The following GALNT13 variants were observed in gnomAD, a reference collection of about 807,000 sequenced individuals.
GALNT13 encodes the protein polypeptide N-acetylgalactosaminyltransferase 13.
GALNT13 carries 28 observed loss-of-function variants against 64.2 expected under a neutral mutation model. The observed-to-expected ratio is 0.44, with a 90% CI of 0.32 to 0.60. The LOEUF (loss-of-function observed/expected upper bound fraction) is 0.60. Among genes scored for constraint, GALNT13 ranks in the 20% least tolerant of loss-of-function variants. The pLI is 0.05. For missense variants in GALNT13, 577 were observed against 669.8 expected, an observed-to-expected ratio of 0.86 and a Z score of 1.53; for synonymous variants, 214 against 224.6, an observed-to-expected ratio of 0.95 and a Z score of 0.42.
At chr2:153,789,381 T>A in the GALNT13 span, among the ~76,000 whole-genome samples, 1 of 152,184 alleles carries the variant, frequency 6.6e-6, no homozygotes, top group Non-Finnish European at 1.5e-5. Flanking sequence ...AATCAAGAAG[T>A]TCTTTGAAGC....
At chr2:153,689,610 G>A in the GALNT13 span, among the ~76,000 whole-genome samples, 2 of 151,938 alleles carry the variant, frequency 1.3e-5, no homozygotes, top group South Asian at 2.1e-4. Context: ...TTTGTTTGTG[G>A]TGTCAGGTAG....
chr2:153,115,169 A>G, the GALNT13 span, among the ~76,000 whole-genome samples: 2 of 152,108 alleles, frequency 1.3e-5, no homozygotes, highest in African/African-American at 4.8e-5. Flanking sequence ...CCCTATAAAA[A>G]GTGAAGTGGT....
At chr2:153,276,489 C>A in the GALNT13 span, among the ~76,000 whole-genome samples, 1 of 151,844 alleles carries the variant, frequency 6.6e-6, no homozygotes, top group East Asian at 1.9e-4. Flanking sequence ...CCAATATTTC[C>A]ATAAACTATA....
the GALNT13 span, among the ~76,000 whole-genome samples, chr2:153,655,542 A>T: frequency 6.6e-6 from 1 of 152,134 alleles, no homozygotes; most frequent in Admixed American, 6.6e-5. Flanking sequence ...AGAATCGTGG[A>T]TAGCTATGGG....
the GALNT13 span, among the ~76,000 whole-genome samples, chr2:153,128,955 C>T: frequency 6.6e-6 from 1 of 152,126 alleles, no homozygotes; most frequent in Admixed American, 6.5e-5. Flanking sequence ...AATTGCCTGC[C>T]ACCAGGTCCC....
the GALNT13 span, among the ~76,000 whole-genome samples, chr2:153,853,095 T>C: frequency 1.2e-3 from 178 of 152,196 alleles, no homozygotes; most frequent in Non-Finnish European, 2.0e-3. Context: ...GTTCAAAAGC[T>C]GAAGAATTTA....
chr2:153,729,012 A>T, the GALNT13 span, among the ~76,000 whole-genome samples: 17 of 152,182 alleles, frequency 1.1e-4, no homozygotes, highest in Non-Finnish European at 2.1e-4. Flanking sequence ...TATCAACCAA[A>T]AAAAGCCCAG....
At chr2:153,294,699 T>C in the GALNT13 span, among the ~76,000 whole-genome samples, 1 of 152,122 alleles carries the variant, frequency 6.6e-6, no homozygotes, top group South Asian at 2.1e-4. Context: ...AACTACAGGA[T>C]TGAATAGATG....
At chr2:154,359,167 G>T (rs540436310) in intron 9 of GALNT13, among the ~76,000 whole-genome samples, 1 of 151,994 alleles carries the variant, frequency 6.6e-6, no homozygotes, top group Non-Finnish European at 1.5e-5. Flanking sequence ...GTTAAAGCAG[G>T]AATCTAGTGG....
chr2:153,594,678 T>C, the GALNT13 span, among the ~76,000 whole-genome samples: 2 of 152,176 alleles, frequency 1.3e-5, no homozygotes, highest in Non-Finnish European at 2.9e-5. Context: ...AAGGTAAATA[T>C]ATTTGTTCAA....
chr2:153,210,587 G>A, the GALNT13 span, among the ~76,000 whole-genome samples: 5 of 152,026 alleles, frequency 3.3e-5, no homozygotes, highest in Non-Finnish European at 5.9e-5. Context: ...ACCTACATTC[G>A]TCACACATAA....
At chr2:153,111,736 T>C in the GALNT13 span, among the ~76,000 whole-genome samples, 1 of 152,070 alleles carries the variant, frequency 6.6e-6, no homozygotes, top group African/African-American at 2.4e-5. Context: ...GAATCTTCTG[T>C]AACATAATAG....
At chr2:153,951,840 C>G (rs1020507134) in intron 3 of GALNT13, among the ~76,000 whole-genome samples, 1 of 152,068 alleles carries the variant, frequency 6.6e-6, no homozygotes, top group Non-Finnish European at 1.5e-5. Context: ...AGTTTATGGA[C>G]TGTAATGGAA....
intron 1 of GALNT13, among the ~76,000 whole-genome samples, chr2:153,886,324 T>G (rs1477189899): frequency 6.6e-6 from 1 of 151,896 alleles, no homozygotes; most frequent in Non-Finnish European, 1.5e-5. Context: ...AACTTGTCAT[T>G]TAACATTAGG....
intron 4 of GALNT13, among the ~76,000 whole-genome samples, chr2:154,151,921 C>T (rs978495617): frequency 2.0e-5 from 3 of 152,112 alleles, no homozygotes; most frequent in Non-Finnish European, 2.9e-5. Flanking sequence ...GAGCATTTAG[C>T]CCATTTACAT....
the GALNT13 span, among the ~76,000 whole-genome samples, chr2:153,780,162 C>A: frequency 1.3e-5 from 2 of 148,836 alleles, no homozygotes; most frequent in Non-Finnish European, 3.0e-5. Flanking sequence ...CAGCTTTTAT[C>A]TCAAATCATC....
At chr2:154,088,753 A>T (rs779027611) in intron 3 of GALNT13, among the ~76,000 whole-genome samples, 1 of 152,148 alleles carries the variant, frequency 6.6e-6, no homozygotes, top group Non-Finnish European at 1.5e-5. Flanking sequence ...ATGTCCAGTC[A>T]GTGCTTATTT....
the GALNT13 span, among the ~76,000 whole-genome samples, chr2:153,413,004 C>T: frequency 6.6e-6 from 1 of 152,042 alleles, no homozygotes; most frequent in Admixed American, 6.5e-5. Flanking sequence ...TATAGGAAGA[C>T]CATGAGGTAT....
the GALNT13 span, among the ~76,000 whole-genome samples, chr2:153,492,118 TG>T: frequency 6.6e-6 from 1 of 152,202 alleles, no homozygotes; most frequent in Admixed American, 6.5e-5. Context: ...TCTGGCAGAA[TG>T]ATGGTAGTGG....
Sources: allele counts gnomAD v4.1 joint callset (sites outside exome capture counted in the v4.1 genomes callset), GRCh38; gene constraint gnomAD v4.1.1; transcripts MANE v1.5; gene names NCBI Gene and HGNC (gene_info 2026-07-23, HGNC 2026-07-21).